RPS6KA2: variants seen among roughly 807,000 people sequenced by gnomAD.
RPS6KA2 encodes ribosomal protein S6 kinase alpha-2.
RPS6KA2 carries 42 observed loss-of-function variants against 91.8 expected under a neutral mutation model. The ratio of observed to expected loss-of-function variants is 0.46; its 90% CI spans 0.36 to 0.59. The LOEUF is 0.59. Ranked by LOEUF, RPS6KA2 falls within the 20% of genes least tolerant of loss-of-function variation. RPS6KA2 has a pLI of 0.00. For missense variants in RPS6KA2, 798 were observed against 978.5 expected (o/e 0.82, Z 2.46); for synonymous variants, 414 against 393.6 (o/e 1.05, Z -0.61).
At chr6:166,517,534 G>T (rs1259003360) in intron 3 of RPS6KA2, among the ~76,000 whole-genome samples, 1 of 143,332 alleles carries the variant, frequency 7.0e-6, no homozygotes, top group African/African-American at 2.7e-5. Context: ...GGACTGCAGT[G>T]GCGCAATCTC....
At chr6:166,629,457 C>T (rs79306123), upstream of RPS6KA2, among the ~76,000 whole-genome samples, 4,734 of 152,328 alleles carry the variant, frequency 0.031, 164 homozygotes, top group African/African-American at 0.084. Context: ...TCAGATTTCA[C>T]TGGAATTCAT....
intron 2 of RPS6KA2, among the ~76,000 whole-genome samples, chr6:166,789,401 C>T (rs1419124293): frequency 7.9e-5 from 12 of 152,336 alleles, no homozygotes; most frequent in South Asian, 6.2e-4. Context: ...TCAAGGAGGC[C>T]GGCCTGCCTG....
chr6:166,670,324 G>A (rs954916603), intron 2 of RPS6KA2, among the ~76,000 whole-genome samples: 8 of 152,208 alleles, frequency 5.3e-5, no homozygotes, highest in African/African-American at 9.7e-5. Flanking sequence ...ATTCCCCAAC[G>A]TCATCCTTCG....
intron 2 of RPS6KA2, among the ~76,000 whole-genome samples, chr6:166,748,604 CCA>C (rs1387779965): frequency 9.2e-5 from 6 of 65,290 alleles, no homozygotes; most frequent in East Asian, 9.3e-4. Flanking sequence ...CCTCAGGCCC[CCA>C]TTTCCCTGGG....
chr6:166,453,220 C>T (rs1562504024), intron 12 of RPS6KA2, among the ~76,000 whole-genome samples: 1 of 146,616 alleles, frequency 6.8e-6, no homozygotes, highest in Non-Finnish European at 1.5e-5. Flanking sequence ...CACACACACA[C>T]ACACACACAC....
intron 3 of RPS6KA2, among the ~76,000 whole-genome samples, chr6:166,526,874 T>A (rs920090376): frequency 6.6e-6 from 1 of 152,366 alleles, no homozygotes; most frequent in Middle Eastern, 3.4e-3. Flanking sequence ...ATCTCATGTG[T>A]GTACACACAA....
intron 2 of RPS6KA2, among the ~76,000 whole-genome samples, chr6:166,681,098 G>A (rs1407644734): frequency 2.0e-5 from 3 of 152,202 alleles, no homozygotes; most frequent in Non-Finnish European, 4.4e-5. Flanking sequence ...GGGAAAATTG[G>A]AGAAGGTGGA....
At position 166,464,260 on chromosome 6, in the gene RPS6KA2, C is replaced by T. The variant is rs141148476; in HGVS notation, c.973-4709G>A. On this transcript the variant is annotated intron_variant, in intron 11 of 20. Coordinates refer to ENST00000265678, the MANE Select transcript of RPS6KA2 (RefSeq NM_021135.6). ...AGCCAAGTTCAGGGCACACCCCACG[C>T]GCTGCCAGATCACCGAGCGACCTCA... 9.8e-5 allele frequency among the ~76,000 whole-genome samples: 15 copies of T among 152,298 alleles called. No homozygotes were observed. In the East Asian group the frequency reaches 2.3e-3, roughly 24 times the overall value.
intron 11 of RPS6KA2, among the ~76,000 whole-genome samples, chr6:166,464,146 C>T (rs1464846274): frequency 6.6e-6 from 1 of 152,228 alleles, no homozygotes; most frequent in Non-Finnish European, 1.5e-5. Context: ...CTCTCTGCGC[C>T]ATACTGCAAA....
intron 1 of RPS6KA2, among the ~76,000 whole-genome samples, chr6:166,565,493 C>T (rs935172821): frequency 2.0e-5 from 3 of 152,242 alleles, no homozygotes; most frequent in Admixed American, 6.5e-5. Flanking sequence ...CCCCGGCTGC[C>T]TCTGCCTACA....
chr6:166,602,357 T>C (rs1208087910), intron 1 of RPS6KA2, among the ~76,000 whole-genome samples: 1 of 152,190 alleles, frequency 6.6e-6, no homozygotes, highest in Non-Finnish European at 1.5e-5. Context: ...CCCAGGTATA[T>C]ACCCGAGAGA....
intron 3 of RPS6KA2, among the ~76,000 whole-genome samples, chr6:166,511,431 A>G (rs144177482): frequency 1.5e-4 from 23 of 152,350 alleles, no homozygotes; most frequent in Admixed American, 6.5e-4. Flanking sequence ...TTAGTGTGTT[A>G]CAACAGCTAC....
chr6:166,627,678 T>C (rs1457135873), upstream of RPS6KA2: 1 of 152,204 alleles, frequency 6.6e-6, no homozygotes, highest in East Asian at 1.9e-4. Context: ...CCGGGCGAGT[T>C]GTGCAGCTGC....
At chr6:166,841,547 A>C (rs1780479837) in intron 2 of RPS6KA2, among the ~76,000 whole-genome samples, 1 of 152,264 alleles carries the variant, frequency 6.6e-6, no homozygotes, top group Non-Finnish European at 1.5e-5. Context: ...ACTTAATTGC[A>C]GAGGAAAAAT....
intron 2 of RPS6KA2, among the ~76,000 whole-genome samples, chr6:166,632,307 T>G (rs1787102831): frequency 6.6e-6 from 1 of 152,140 alleles, no homozygotes; most frequent in African/African-American, 2.4e-5. Flanking sequence ...CACCATGGGG[T>G]GTCCCTTAAA....
chr6:166,660,505 G>A (rs1296959176), intron 2 of RPS6KA2, among the ~76,000 whole-genome samples: 2 of 152,090 alleles, frequency 1.3e-5, no homozygotes, highest in African/African-American at 4.8e-5. Flanking sequence ...CATCATGCCA[G>A]GCATAGCCTT....
intron 2 of RPS6KA2, among the ~76,000 whole-genome samples, chr6:166,788,988 C>A (rs1420018898): frequency 6.6e-6 from 1 of 152,176 alleles, no homozygotes; most frequent in African/African-American, 2.4e-5. Context: ...GTTCATCTCA[C>A]TAGGGAGTGC....
chr6:166,580,492 G>A (rs941303144), intron 1 of RPS6KA2, among the ~76,000 whole-genome samples: 1 of 152,224 alleles, frequency 6.6e-6, no homozygotes, highest in Admixed American at 6.5e-5. Flanking sequence ...GAAAAGAAAG[G>A]TGAGTGCATA....
intron 5 of RPS6KA2, among the ~76,000 whole-genome samples, chr6:166,507,687 C>G (rs36215963): frequency 0.14 from 20,463 of 150,588 alleles, 1,469 homozygotes; most frequent in East Asian, 0.21. Flanking sequence ...CAAACACACC[C>G]CCACATATAC....
Sources: gnomAD v4.1 joint callset for allele counts (sites outside exome capture counted in the v4.1 genomes callset) on GRCh38, gnomAD v4.1.1 for gene constraint, MANE v1.5 for transcripts, NCBI Gene and HGNC (gene_info 2026-07-23, HGNC 2026-07-21) for gene names.